DOCK2: variants seen among roughly 807,000 people sequenced by gnomAD.
DOCK2 encodes dedicator of cytokinesis protein 2.
In DOCK2, 87 loss-of-function variants were observed where a neutral mutation model predicts 248.9. The observed-to-expected ratio is 0.35, with a 90% confidence interval of 0.29 to 0.42. DOCK2 has a LOEUF of 0.42. DOCK2 is among the 10% of genes least tolerant of loss of function. The pLI is 1.00. For synonymous variants in DOCK2, 805 were observed against 821.6 expected (o/e 0.98, Z 0.35); for missense variants, 1,747 against 2,300.2 (o/e 0.76, Z 4.92).
At chr5:169,722,010 T>A (rs1762236549) in intron 22 of DOCK2, among the ~76,000 whole-genome samples, 1 of 152,190 alleles carries the variant, frequency 6.6e-6, no homozygotes, top group South Asian at 2.1e-4. Context: ...AGGGAGGCAG[T>A]CTTATGAGTA....
At chr5:169,954,304 G>A (rs186950403) in intron 27 of DOCK2, among the ~76,000 whole-genome samples, 5 of 152,328 alleles carry the variant, frequency 3.3e-5, no homozygotes, top group East Asian at 1.9e-4. Context: ...GTTTTTAAGT[G>A]TAATAAAATT....
chr5:169,667,783 C>T (rs1758822093), intron 2 of DOCK2, among the ~76,000 whole-genome samples: 1 of 152,156 alleles, frequency 6.6e-6, no homozygotes, highest in Non-Finnish European at 1.5e-5. Context: ...GAGTTACCAG[C>T]ACATAGGAAG....
intron 29 of DOCK2, among the ~76,000 whole-genome samples, chr5:169,988,751 A>G (rs1778135087): frequency 6.6e-6 from 1 of 152,156 alleles, no homozygotes; most frequent in African/African-American, 2.4e-5. Flanking sequence ...ACCTCAGGTG[A>G]TCTGCCTGCC....
At chr5:169,988,613 A>G (rs1444032323) in intron 29 of DOCK2, among the ~76,000 whole-genome samples, 1 of 152,074 alleles carries the variant, frequency 6.6e-6, no homozygotes, top group Non-Finnish European at 1.5e-5. Flanking sequence ...CCTGGGTTCA[A>G]GTGATTCTCC....
At chr5:169,649,202 C>T (rs903851185) in intron 1 of DOCK2, among the ~76,000 whole-genome samples, 1 of 152,234 alleles carries the variant, frequency 6.6e-6, no homozygotes, top group Non-Finnish European at 1.5e-5. Context: ...GTTCCTCTTA[C>T]ACAGCCACTT....
At chr5:169,889,886 T>C (rs546633957) in intron 27 of DOCK2, among the ~76,000 whole-genome samples, 4 of 152,370 alleles carry the variant, frequency 2.6e-5, no homozygotes, top group African/African-American at 9.6e-5. Flanking sequence ...AGGAGGCTCT[T>C]GATTAGGTTG....
At chr5:169,994,204 G>C (rs903352286) in intron 29 of DOCK2, among the ~76,000 whole-genome samples, 1 of 152,282 alleles carries the variant, frequency 6.6e-6, no homozygotes, top group Non-Finnish European at 1.5e-5. Flanking sequence ...TGGTGTTTAG[G>C]GGAGAGGCCT....
At chr5:169,780,824 A>G (rs1461748428) in intron 25 of DOCK2, among the ~76,000 whole-genome samples, 1 of 152,334 alleles carries the variant, frequency 6.6e-6, no homozygotes, top group Admixed American at 6.5e-5. Flanking sequence ...AACAAAACCA[A>G]TTTTGCCATA....
chr5:169,890,343 C>T (rs938393625), intron 27 of DOCK2, among the ~76,000 whole-genome samples: 2 of 152,182 alleles, frequency 1.3e-5, no homozygotes, highest in Non-Finnish European at 2.9e-5. Context: ...TGATCATTCA[C>T]CTCTGGGCCT....
intron 13 of DOCK2, among the ~76,000 whole-genome samples, chr5:169,700,830 T>C (rs979281931): frequency 6.6e-6 from 1 of 151,536 alleles, no homozygotes; most frequent in African/African-American, 2.4e-5. Context: ...TAAACTGTTA[T>C]CTGATCTTGC....
chr5:169,956,854 T>C (rs1776885612), intron 27 of DOCK2, among the ~76,000 whole-genome samples: 1 of 152,142 alleles, frequency 6.6e-6, no homozygotes, highest in Non-Finnish European at 1.5e-5. Context: ...GGTCCAGGAA[T>C]GCATCAAATA....
At chr5:169,707,822 A>G (rs1468470120) in intron 14 of DOCK2, among the ~76,000 whole-genome samples, 1 of 152,214 alleles carries the variant, frequency 6.6e-6, no homozygotes, top group East Asian at 1.9e-4. Context: ...GCACATTCAC[A>G]TTTAGGAAAC....
chr5:170,005,857 T>C (rs576151508), intron 30 of DOCK2, among the ~76,000 whole-genome samples: 2 of 152,288 alleles, frequency 1.3e-5, no homozygotes, highest in South Asian at 4.1e-4. Context: ...TGATGTGTCT[T>C]ATGTGTTAGG....
chr5:170,031,392 G>A (rs1035088164), intron 34 of DOCK2, among the ~76,000 whole-genome samples: 1 of 152,172 alleles, frequency 6.6e-6, no homozygotes, highest in Non-Finnish European at 1.5e-5. Context: ...ATCAACTGCA[G>A]GGAGGAGTGA....
intron 27 of DOCK2, among the ~76,000 whole-genome samples, chr5:169,967,316 C>G (rs185973563): frequency 1.4e-3 from 208 of 152,270 alleles, no homozygotes; most frequent in African/African-American, 4.6e-3. Context: ...GTAGAGGTGA[C>G]TATGTCAATT....
chr5:169,831,298 G>A (rs1296113845), intron 26 of DOCK2, among the ~76,000 whole-genome samples: 1 of 152,106 alleles, frequency 6.6e-6, no homozygotes, highest in Non-Finnish European at 1.5e-5. Flanking sequence ...TCCAGGTCAA[G>A]ATCTATCTAC....
intron 27 of DOCK2, among the ~76,000 whole-genome samples, chr5:169,950,579 G>T (rs1264838039): frequency 6.6e-6 from 1 of 152,126 alleles, no homozygotes; most frequent in Non-Finnish European, 1.5e-5. Context: ...TTCTCTTTTG[G>T]TTTTAGTTCT....
chr5:169,857,178 A>C (rs1420567785), intron 27 of DOCK2, among the ~76,000 whole-genome samples: 1 of 152,218 alleles, frequency 6.6e-6, no homozygotes, highest in Non-Finnish European at 1.5e-5. Context: ...CACATGTAAT[A>C]AATTCTGGCA....
Position 169,961,978 on chromosome 5 carries a change from C to CAAAAAAAAAAAAAAAAAAAAAAAAA in DOCK2, c.2800-21073_2800-21072insAAAAAAAAAAAAAAAAAAAAAAAAA, listed in dbSNP as rs70979150. Among the ~76,000 whole-genome samples the CAAAAAAAAAAAAAAAAAAAAAAAAA allele has an allele frequency of 3.2e-4, 24 of 74,634 alleles. 7 individuals carry two copies. Among genetic ancestry groups the CAAAAAAAAAAAAAAAAAAAAAAAAA allele is most frequent in the African/African-American group, 8.1e-4 (12 of 14,776 alleles). 49.0% of individuals were successfully genotyped at this position (74,634 alleles called of 152,430 possible). A position where few individuals can be genotyped will look rare whatever the true frequency, so the allele number is the denominator to read the frequency against. On this transcript the variant is annotated intron_variant, in intron 27 of 51. Coordinates refer to ENST00000520908, the MANE Select transcript of DOCK2 (RefSeq NM_004946.3). ...TGGGTGAAAAAGTGAGACTCTGTCC[C>CAAAAAAAAAAAAAAAAAAAAAAAAA]AAAAAAAAAAAAAAAAATGGAGAAA...
Sources: allele counts gnomAD v4.1 joint callset (sites outside exome capture counted in the v4.1 genomes callset), GRCh38; gene constraint gnomAD v4.1.1; transcripts MANE v1.5; gene names NCBI Gene and HGNC (gene_info 2026-07-23, HGNC 2026-07-21).